The following ATRNL1 variants were observed in gnomAD, a reference collection of about 807,000 sequenced individuals.
The protein encoded by ATRNL1 is attractin like 1.
Under a neutral mutation model 182.7 loss-of-function variants are expected in ATRNL1, and 95 were observed. The observed-to-expected ratio is 0.52, with a 90% CI of 0.44 to 0.62. ATRNL1 has a LOEUF of 0.62. Among genes scored for constraint, ATRNL1 ranks in the 20% least tolerant of loss-of-function variants. The pLI, the probability that ATRNL1 is intolerant of heterozygous loss-of-function variation, is 0.00. For missense variants in ATRNL1, 1,471 were observed against 1,679.5 expected, an observed-to-expected ratio of 0.88 and a Z score of 2.17; for synonymous variants, 576 against 568.3, an observed-to-expected ratio of 1.01 and a Z score of -0.19.
At chr10:115,655,010 G>A (rs782105893) in intron 26 of ATRNL1, among the ~76,000 whole-genome samples, 15 of 152,176 alleles carry the variant, frequency 9.9e-5, no homozygotes, top group Non-Finnish European at 2.2e-4. Flanking sequence ...CCTGAGTGAG[G>A]AGGAGTGAAA....
chr10:115,553,138 G>A (rs1255674374), intron 26 of ATRNL1, among the ~76,000 whole-genome samples: 2 of 151,254 alleles, frequency 1.3e-5, no homozygotes, highest in South Asian at 2.1e-4. Flanking sequence ...ATTGTTCCCT[G>A]CAATGAAGAT....
intron 25 of ATRNL1, among the ~76,000 whole-genome samples, chr10:115,520,361 A>G (rs1850862831): frequency 1.3e-5 from 2 of 152,146 alleles, no homozygotes; most frequent in Non-Finnish European, 2.9e-5. Flanking sequence ...GTCAGCAAAC[A>G]TTTTCCATTA....
chr10:115,353,212 T>G (rs1049097470), intron 19 of ATRNL1, among the ~76,000 whole-genome samples: 6 of 152,166 alleles, frequency 3.9e-5, no homozygotes, highest in Admixed American at 1.3e-4. Flanking sequence ...TCTCTTTAGG[T>G]CTAGTAATGT....
intron 9 of ATRNL1, among the ~76,000 whole-genome samples, chr10:115,229,607 T>G (rs1489418603): frequency 1.3e-5 from 2 of 151,934 alleles, no homozygotes; most frequent in Non-Finnish European, 2.9e-5. Flanking sequence ...CACACAAACA[T>G]ATAGTTGCGA....
chr10:115,099,100 A>G (rs1193722481), intron 1 of ATRNL1, among the ~76,000 whole-genome samples: 2 of 152,196 alleles, frequency 1.3e-5, no homozygotes, highest in East Asian at 1.9e-4. Context: ...CTAGTTGCCA[A>G]TTCCTGTCCC....
chr10:115,226,076 A>G (rs1306318658), intron 9 of ATRNL1, among the ~76,000 whole-genome samples: 1 of 151,716 alleles, frequency 6.6e-6, no homozygotes, highest in Non-Finnish European at 1.5e-5. Context: ...AAAGACAGGG[A>G]AATAGACTAA....
intron 28 of ATRNL1, among the ~76,000 whole-genome samples, chr10:115,888,379 G>A (rs1952001656): frequency 6.6e-6 from 1 of 152,174 alleles, no homozygotes; most frequent in South Asian, 2.1e-4. Context: ...TAGAGTGCAA[G>A]CTCCATTAGG....
At chr10:115,217,483 A>G (rs1352005076) in intron 9 of ATRNL1, among the ~76,000 whole-genome samples, 1 of 152,240 alleles carries the variant, frequency 6.6e-6, no homozygotes, top group Non-Finnish European at 1.5e-5. Context: ...TAATGGGTAT[A>G]GCAATGCTCA....
intron 24 of ATRNL1, among the ~76,000 whole-genome samples, chr10:115,508,912 A>G (rs999286392): frequency 2.6e-5 from 4 of 152,080 alleles, no homozygotes; most frequent in Non-Finnish European, 5.9e-5. Context: ...CTAAAAGAAG[A>G]TACCACCTAG....
rs1280399794 is a variant in ATRNL1, at chr10:115,369,774, G to C, written c.3176-24885G>C. ...CTTCCTGATAACAGCCATTCTAACA[G>C]ATGTGAGGTGGTATCTCACTATGGT... On this transcript the variant is annotated intron_variant, in intron 19 of 28. Transcript: ENST00000355044. 5.3e-5 allele frequency among the ~76,000 whole-genome samples: 8 copies of C among 152,290 alleles called. 1 individual carries two copies. Among genetic ancestry groups the C allele is most frequent in the South Asian group, 4.1e-4 (2 of 4,822 alleles).
At chr10:115,150,654 T>C (rs1846182727) in intron 5 of ATRNL1, among the ~76,000 whole-genome samples, 1 of 152,140 alleles carries the variant, frequency 6.6e-6, no homozygotes, top group Admixed American at 6.5e-5. Flanking sequence ...AAGTTCCTCT[T>C]TTCATTGATT....
intron 20 of ATRNL1, among the ~76,000 whole-genome samples, chr10:115,403,257 C>CATTTTTT (rs782077494): frequency 9.3e-6 from 1 of 107,472 alleles, no homozygotes; most frequent in Non-Finnish European, 1.7e-5. Flanking sequence ...TTACTCTCAT[C>CATTTTTT]TTTTTTTTTT....
intron 20 of ATRNL1, among the ~76,000 whole-genome samples, chr10:115,402,478 C>T (rs1201651592): frequency 6.6e-6 from 1 of 152,108 alleles, no homozygotes; most frequent in Non-Finnish European, 1.5e-5. Context: ...TTAGTGTTTT[C>T]CCTTATCTAG....
rs532504626 is a variant in ATRNL1 at position 115,385,850 on chromosome 10, G to A, written c.3176-8809G>A. On this transcript the variant is annotated intron_variant, in intron 19 of 28. Coordinates refer to ENST00000355044, the MANE Select transcript of ATRNL1 (RefSeq NM_207303.4). The stretch of plus-strand genomic sequence containing the variant: ...CTCATTGAATTACTTTAGTACATTT[G>A]TTGAAAACTAAATTGATGGAATATG... 7.9e-5 allele frequency among the ~76,000 whole-genome samples: 12 copies of A among 152,162 alleles called. No individual in the cohort carries two copies. The South Asian group carries it at 2.5e-3, about 32-fold the overall frequency.
At chr10:115,446,208 G>T (rs576193042) in intron 21 of ATRNL1, among the ~76,000 whole-genome samples, 1 of 151,926 alleles carries the variant, frequency 6.6e-6, no homozygotes, top group Admixed American at 6.6e-5. Context: ...GAATTTTTCT[G>T]TGTATCATTT....
chr10:115,104,893 C>T (rs1843932821), intron 1 of ATRNL1, among the ~76,000 whole-genome samples: 1 of 148,228 alleles, frequency 6.7e-6, no homozygotes, highest in African/African-American at 2.5e-5. Context: ...TCTGTAATTG[C>T]TCTATGTGTC....
chr10:115,155,223 T>C (rs191193325), intron 5 of ATRNL1, among the ~76,000 whole-genome samples: 3 of 152,000 alleles, frequency 2.0e-5, no homozygotes, highest in Non-Finnish European at 2.9e-5. Context: ...AGTTGGATCA[T>C]GTTTTTCTTT....
At chr10:115,422,976 A>G (rs1554962195) in intron 20 of ATRNL1, among the ~76,000 whole-genome samples, 1 of 152,196 alleles carries the variant, frequency 6.6e-6, no homozygotes, top group African/African-American at 2.4e-5. Flanking sequence ...GTGACACACA[A>G]TTTACCTATG....
intron 1 of ATRNL1, among the ~76,000 whole-genome samples, chr10:115,099,401 G>T (rs561237425): frequency 6.6e-6 from 1 of 152,170 alleles, no homozygotes; most frequent in Non-Finnish European, 1.5e-5. Flanking sequence ...TCATGTGGAA[G>T]CCTTTTTATC....
Sources: allele counts gnomAD v4.1 joint callset (sites outside exome capture counted in the v4.1 genomes callset), GRCh38; gene constraint gnomAD v4.1.1; transcripts MANE v1.5; gene names NCBI Gene and HGNC (gene_info 2026-07-23, HGNC 2026-07-21).